CYFIP1: variants seen among roughly 807,000 people sequenced by gnomAD.
The protein encoded by CYFIP1 is cytoplasmic FMR1 interacting protein 1.
A neutral mutation model predicts 163.5 loss-of-function variants in CYFIP1; 58 were observed. The ratio of observed to expected loss-of-function variants is 0.35; its 90% CI spans 0.29 to 0.44. The LOEUF is 0.44. Ranked by LOEUF, CYFIP1 falls within the 20% of genes least tolerant of loss-of-function variation. CYFIP1 has a pLI of 1.00. For synonymous variants in CYFIP1, 663 were observed against 660.7 expected (o/e 1.00, Z -0.05); for missense variants, 1,338 against 1,653.8 (o/e 0.81, Z 3.31).
At chr15:22,949,967 A>T (rs1028578250) in intron 1 of CYFIP1, among the ~76,000 whole-genome samples, 1 of 151,864 alleles carries the variant, frequency 6.6e-6, no homozygotes, top group East Asian at 1.9e-4. Flanking sequence ...TGCCTCTTTT[A>T]AAAAAAGAAA....
chr15:22,923,052 G>A (rs1417948015), intron 13 of CYFIP1, among the ~76,000 whole-genome samples: 1 of 151,638 alleles, frequency 6.6e-6, no homozygotes, highest in African/African-American at 2.4e-5. Flanking sequence ...TCATGACCTG[G>A]GTTACACAAT....
At chr15:22,884,525 G>A (rs1474382785) in intron 23 of CYFIP1, among the ~76,000 whole-genome samples, 5 of 152,210 alleles carry the variant, frequency 3.3e-5, no homozygotes, top group African/African-American at 1.2e-4. Context: ...ACAGTCTTGG[G>A]CAGCTCCACC....
intron 1 of CYFIP1, among the ~76,000 whole-genome samples, chr15:22,977,396 T>C (rs1330283577): frequency 6.6e-6 from 1 of 152,174 alleles, no homozygotes. Flanking sequence ...TCTGATACTA[T>C]TGCACTGGCT....
In CYFIP1 at chr15:22,876,502, C is replaced by A. The variant is rs1022337696; in HGVS notation, c.3043-1231G>T. Reference sequence around the variant, plus strand: ...TCTATAATTATTTATGTCCATGAGTCCTGGGATGGACATAAATAATTATAG... The same window carrying A: ...TCTATAATTATTTATGTCCATGAGTACTGGGATGGACATAAATAATTATAG... On this transcript the variant is annotated intron_variant, in intron 26 of 30. Transcript: ENST00000617928. Among the ~76,000 whole-genome samples, 6 of 151,952 alleles carry A rather than the reference C, an allele frequency of 3.9e-5. No individual in the cohort carries two copies. The East Asian group carries it at 1.2e-3, about 30-fold the overall frequency.
intron 1 of CYFIP1, among the ~76,000 whole-genome samples, chr15:22,955,795 C>A (rs576559258): frequency 1.3e-4 from 20 of 152,304 alleles, no homozygotes; most frequent in Non-Finnish European, 2.1e-4. Context: ...ACCCAGTTCC[C>A]AGAGAGACCC....
intron 13 of CYFIP1, among the ~76,000 whole-genome samples, chr15:22,924,133 A>C (rs1595613605): frequency 6.6e-6 from 1 of 152,278 alleles, no homozygotes. Context: ...CTTGAAAATT[A>C]TGCTAAGTGG....
chr15:22,929,405 G>A (rs1183556764), intron 11 of CYFIP1, among the ~76,000 whole-genome samples: 1 of 151,972 alleles, frequency 6.6e-6, no homozygotes, highest in African/African-American at 2.4e-5. Flanking sequence ...AGGCTGAGGT[G>A]GGCGAATCAC....
intron 1 of CYFIP1, among the ~76,000 whole-genome samples, chr15:22,962,882 C>T (rs1449226466): frequency 6.6e-6 from 1 of 152,200 alleles, no homozygotes; most frequent in Non-Finnish European, 1.5e-5. Context: ...TTCCACCCAA[C>T]CAACAAACCA....
intron 6 of CYFIP1, among the ~76,000 whole-genome samples, chr15:22,942,597 C>T (rs529119444): frequency 1.3e-5 from 2 of 152,298 alleles, no homozygotes; most frequent in Admixed American, 1.3e-4. Flanking sequence ...TCTTGCCAGC[C>T]TCTCCAGAGG....
rs1024344678 is a variant in CYFIP1 at position 22,916,547 on chromosome 15, C to T, written c.1758G>A (p.Gly586=). Residue 586 remains glycine (G), a synonymous_variant, in exon 16 of 31, where the codon GGG becomes GGA. Transcript: ENST00000617928. ...SKKTLRSSLE[G]PTILDIEKFH... The stretch of plus-strand genomic sequence containing the variant: ...ATTTTTCTATGTCCAATATGGTGGG[C>T]CCCTCAAGGCTACTTCTCAAGGTTT... 3.7e-6 allele frequency: 6 copies of T among 1,613,938 alleles called. No homozygotes were observed. The African/African-American group carries it at 6.7e-5, about 18-fold the overall frequency.
intron 21 of CYFIP1, chr15:22,905,168 T>C (rs921654151): frequency 1.3e-5 from 2 of 152,138 alleles, no homozygotes; most frequent in African/African-American, 4.8e-5. Flanking sequence ...TTTTTAAATG[T>C]ATTATTATTA....
At chr15:22,885,498 C>T (rs146109253) in intron 23 of CYFIP1, among the ~76,000 whole-genome samples, 92 of 152,204 alleles carry the variant, frequency 6.0e-4, no homozygotes, top group Admixed American at 1.2e-3. Context: ...GTTGGGAGGC[C>T]GAGGTGGGTG....
At position 22,869,000 on chromosome 15, in the gene CYFIP1, A is replaced by G. The variant is rs1342173883; in HGVS notation, c.*1028T>C. On this transcript the variant is annotated 3_prime_UTR_variant, in exon 31 of 31. Transcript: ENST00000617928. ...TTTAAAATATGGCTTTAGTTTCTCA[A>G]ACATGTTCGTGACTCTACTGGTAGT... is the stretch of plus-strand genomic sequence containing the variant. The G allele has an allele frequency of 6.6e-6, 1 of 152,168 alleles. No individual in the cohort carries two copies. Among genetic ancestry groups the G allele is most frequent in the African/African-American group, 2.4e-5 (1 of 41,428 alleles). 9.4% of individuals were successfully genotyped at this position (152,168 alleles called of 1,614,324 possible).
intron 13 of CYFIP1, among the ~76,000 whole-genome samples, chr15:22,923,032 GA>G (rs2061240040): frequency 6.6e-6 from 1 of 151,836 alleles, no homozygotes; most frequent in East Asian, 1.9e-4. Context: ...GGAAACACAG[GA>G]GTAAATCATC....
At chr15:22,965,553 G>A (rs532063489) in intron 1 of CYFIP1, among the ~76,000 whole-genome samples, 3 of 152,182 alleles carry the variant, frequency 2.0e-5, no homozygotes, top group East Asian at 1.9e-4. Flanking sequence ...GCGTGCAGCA[G>A]GCAGTACCAT....
At chr15:22,913,979 G>T (rs184490741) in intron 17 of CYFIP1, among the ~76,000 whole-genome samples, 1 of 152,210 alleles carries the variant, frequency 6.6e-6, no homozygotes, top group East Asian at 1.9e-4. Flanking sequence ...AAGACAGACC[G>T]GCTGGGCGGC....
intron 17 of CYFIP1, 132 bp downstream of exon 17, chr15:22,914,594 G>T: frequency 3.4e-6 from 3 of 875,252 alleles, no homozygotes; most frequent in Non-Finnish European, 5.0e-6. Context: ...CTGGGGTCTT[G>T]CTATTTTGCC....
chr15:22,980,743 G>A (rs1245738771), upstream of CYFIP1, among the ~76,000 whole-genome samples: 2 of 152,098 alleles, frequency 1.3e-5, no homozygotes, highest in Non-Finnish European at 1.5e-5. Context: ...GGAGCTCAGG[G>A]GGACACCCAG....
intron 3 of CYFIP1, among the ~76,000 whole-genome samples, chr15:22,946,229 G>C (rs1301455990): frequency 6.6e-6 from 1 of 151,774 alleles, no homozygotes; most frequent in African/African-American, 2.4e-5. Flanking sequence ...GCTTGAACCC[G>C]GGAGGTTGAG....
Sources: allele counts gnomAD v4.1 joint callset (sites outside exome capture counted in the v4.1 genomes callset), GRCh38; gene constraint gnomAD v4.1.1; transcripts MANE v1.5; gene names NCBI Gene and HGNC (gene_info 2026-07-23, HGNC 2026-07-21).